The following PDE8B variants were observed in gnomAD, a reference collection of about 807,000 sequenced individuals.
PDE8B encodes phosphodiesterase 8B.
PDE8B carries 26 observed loss-of-function variants against 101.3 expected under a neutral mutation model. The observed-to-expected ratio is 0.26, with a 90% CI of 0.19 to 0.36. The LOEUF is 0.36. Among genes scored for constraint, PDE8B ranks in the 10% least tolerant of loss-of-function variants. PDE8B has a pLI of 1.00. For missense variants in PDE8B, 810 were observed against 1,163.1 expected, an observed-to-expected ratio of 0.70 and a Z score of 4.42; for synonymous variants, 424 against 429.3, an observed-to-expected ratio of 0.99 and a Z score of 0.15.
intron 1 of PDE8B, among the ~76,000 whole-genome samples, chr5:77,293,192 G>A (rs1471169808): frequency 1.3e-5 from 2 of 151,938 alleles, no homozygotes; most frequent in Non-Finnish European, 2.9e-5. Context: ...TGTAAAATTG[G>A]GTCAGTTCTA....
the PDE8B span, among the ~76,000 whole-genome samples, chr5:77,122,381 G>A: frequency 1.3e-5 from 2 of 152,076 alleles, no homozygotes; most frequent in Non-Finnish European, 2.9e-5. Flanking sequence ...TTTCTTGCTG[G>A]TCTACTGCCA....
At chr5:77,355,928 A>G (rs1320160826) in intron 10 of PDE8B, among the ~76,000 whole-genome samples, 1 of 152,156 alleles carries the variant, frequency 6.6e-6, no homozygotes. Context: ...TCTGTAAATA[A>G]AGTTTTATTG....
chr5:77,093,362 G>A, the PDE8B span, among the ~76,000 whole-genome samples: 1 of 152,110 alleles, frequency 6.6e-6, no homozygotes, highest in African/African-American at 2.4e-5. Flanking sequence ...GATCTAAGGT[G>A]TTGGTATATA....
At chr5:77,273,558 A>G (rs540880093) in intron 1 of PDE8B, among the ~76,000 whole-genome samples, 1 of 152,200 alleles carries the variant, frequency 6.6e-6, no homozygotes, top group Non-Finnish European at 1.5e-5. Context: ...GAGATGCTGT[A>G]AGAGAGGCAG....
intron 7 of PDE8B, 29 bp downstream of exon 7, chr5:77,344,960 A>G: frequency 6.9e-7 from 1 of 1,451,012 alleles, no homozygotes. Flanking sequence ...TCTATCATTA[A>G]CATTCAAAAT....
At chr5:77,286,886 A>T (rs1395328411) in intron 1 of PDE8B, among the ~76,000 whole-genome samples, 2 of 152,112 alleles carry the variant, frequency 1.3e-5, no homozygotes, top group African/African-American at 2.4e-5. Context: ...AATTACTTTT[A>T]CCTTGTTAAC....
intron 1 of PDE8B, among the ~76,000 whole-genome samples, chr5:77,296,937 T>C (rs533297738): frequency 1.4e-3 from 218 of 152,280 alleles, no homozygotes; most frequent in Non-Finnish European, 2.0e-3. Context: ...GATGGCAAGG[T>C]TTTAACTGCC....
Position 77,331,063 on chromosome 5 carries a change from T to A in PDE8B, c.651-339T>A, listed in dbSNP as rs1048442103. Among the ~76,000 whole-genome samples, 3 of 152,324 alleles carry A rather than the reference T, an allele frequency of 2.0e-5. No homozygotes were observed. In the South Asian group the frequency reaches 6.2e-4, roughly 32 times the overall value. On this transcript the variant is annotated intron_variant, in intron 4 of 21. Transcript: ENST00000264917. ...TGGTTTGGGAACAATTGTCTCCGAA[T>A]GAACAGTGCACGTAACATGTCCCTT...
chr5:77,373,749 G>T (rs1785517635), intron 10 of PDE8B, among the ~76,000 whole-genome samples: 1 of 152,022 alleles, frequency 6.6e-6, no homozygotes, highest in African/African-American at 2.4e-5. Flanking sequence ...ACCATTCAAT[G>T]GATTTTAGTG....
chr5:77,350,931 A>G, intron 8 of PDE8B, 134 bp from the exon 9 acceptor site: 2 of 735,914 alleles, frequency 2.7e-6, no homozygotes, highest in Non-Finnish European at 5.0e-6. Context: ...TGCACTGGGT[A>G]CAACAATACA....
chr5:77,093,235 G>A, the PDE8B span, among the ~76,000 whole-genome samples: 1 of 152,142 alleles, frequency 6.6e-6, no homozygotes, highest in African/African-American at 2.4e-5. Context: ...TGCATAGGTG[G>A]TTGATTACTA....
At chr5:77,262,584 G>A (rs930066006) in intron 1 of PDE8B, among the ~76,000 whole-genome samples, 1 of 152,180 alleles carries the variant, frequency 6.6e-6, no homozygotes, top group Admixed American at 6.5e-5. Context: ...TTGCATGTCT[G>A]CATTTAACAT....
At chr5:77,152,864 C>G in the PDE8B span, among the ~76,000 whole-genome samples, 1 of 152,068 alleles carries the variant, frequency 6.6e-6, no homozygotes, top group African/African-American at 2.4e-5. Context: ...AGTGTAAGGG[C>G]TCTTCCAGGA....
chr5:77,242,765 G>C (rs757987272), intron 1 of PDE8B, among the ~76,000 whole-genome samples: 10 of 152,058 alleles, frequency 6.6e-5, no homozygotes, highest in Non-Finnish European at 1.2e-4. Flanking sequence ...TCCATCTCCC[G>C]GGTTCACGCC....
intron 1 of PDE8B, among the ~76,000 whole-genome samples, chr5:77,287,428 AT>A (rs935199531): frequency 5.4e-4 from 81 of 149,552 alleles, no homozygotes; most frequent in African/African-American, 1.7e-3. Context: ...GCACTTAGGT[AT>A]TTTTTTTTCT....
intron 1 of PDE8B, among the ~76,000 whole-genome samples, chr5:77,217,300 C>CA: frequency 6.6e-6 from 1 of 151,888 alleles, no homozygotes; most frequent in East Asian, 1.9e-4. Context: ...CAGTTTATTC[C>CA]ATTTTTTTTC....
Position 77,413,262 on chromosome 5 carries a change from G to A in PDE8B, c.1864G>A (p.Asp622Asn), listed in dbSNP as rs767937257. The change falls in exon 17 of 22, where the codon GAC becomes AAC. Residue 622 changes from aspartate to asparagine, a missense_variant. Physicochemically the swap from Asp to Asn is conservative, Grantham distance 23. Transcript: ENST00000264917. ...NAYHNSTHAADVLHATAFFLG... is the reference protein window; with the variant it reads ...NAYHNSTHAANVLHATAFFLG... ...CTACCACAACTCCACCCATGCTGCC[G>A]ACGTCCTGCACGCCACCGCTTTCTT... is the stretch of plus-strand genomic sequence containing the variant. 6.2e-7 allele frequency: 1 copy of A among 1,613,982 alleles called. No homozygotes were observed. The highest frequency in any genetic ancestry group is 8.5e-7 in the Non-Finnish European group (1 of 1,179,952).
chr5:77,408,374 A>AT (rs35674495), intron 13 of PDE8B, among the ~76,000 whole-genome samples: 15,059 of 152,080 alleles, frequency 0.099, 847 homozygotes, highest in South Asian at 0.15. Context: ...TTTGTCTTTG[A>AT]TTTTTTTGTT....
At chr5:77,111,551 G>A in the PDE8B span, among the ~76,000 whole-genome samples, 18 of 152,176 alleles carry the variant, frequency 1.2e-4, no homozygotes, top group Admixed American at 6.5e-4. Context: ...TTACTGGGAA[G>A]ACATGCCAAT....
Sources: gnomAD v4.1 joint callset for allele counts (sites outside exome capture counted in the v4.1 genomes callset) on GRCh38, gnomAD v4.1.1 for gene constraint, MANE v1.5 for transcripts, NCBI Gene and HGNC (gene_info 2026-07-23, HGNC 2026-07-21) for gene names.